ABCB1: variants seen among roughly 807,000 people sequenced by gnomAD.
The protein encoded by ABCB1 is ATP-dependent translocase ABCB1.
ABCB1 carries 69 observed loss-of-function variants against 142.0 expected under a neutral mutation model. That is an observed-to-expected ratio of 0.49 (90% confidence interval 0.40 to 0.59). The LOEUF (loss-of-function observed/expected upper bound fraction) is 0.59, where lower values mean the gene tolerates loss of function less well. ABCB1 is among the 20% of genes least tolerant of loss of function. ABCB1 has a pLI of 0.00. For synonymous variants in ABCB1, 532 were observed against 539.2 expected (o/e 0.99, Z 0.18); for missense variants, 1,326 against 1,554.7 (o/e 0.85, Z 2.47).
At chr7:87,690,659 A>G (rs919526105) in intron 1 of ABCB1, among the ~76,000 whole-genome samples, 2 of 152,134 alleles carry the variant, frequency 1.3e-5, no homozygotes, top group Non-Finnish European at 2.9e-5. Context: ...TTCGCTGAAA[A>G]ATTTTCCTCC....
intron 3 of ABCB1, among the ~76,000 whole-genome samples, chr7:87,586,459 A>C (rs1286343112): frequency 2.6e-5 from 4 of 152,196 alleles, no homozygotes; most frequent in Non-Finnish European, 5.9e-5. Context: ...GATTGAAAGA[A>C]AACCAAAGGG....
At chr7:87,634,086 A>C (rs1035670973) in intron 1 of ABCB1, among the ~76,000 whole-genome samples, 1 of 151,908 alleles carries the variant, frequency 6.6e-6, no homozygotes, top group African/African-American at 2.4e-5. Context: ...TTATCAACCT[A>C]CTCTTCTAGG....
Position 87,504,225 on chromosome 7 carries a change from A to C in ABCB1, c.*18T>G. The C allele has an allele frequency of 6.2e-7, 1 of 1,613,948 alleles. No homozygotes were observed. Among genetic ancestry groups the C allele is most frequent in the East Asian group, 2.2e-5 (1 of 44,888 alleles). The stretch of plus-strand genomic sequence containing the variant: ...AAACAAATATTAAAAAGTATTTAAC[A>C]TCTCATACAGTCAGAGTTCACTGGC... On this transcript the variant is annotated 3_prime_UTR_variant, in exon 28 of 28. Transcript: ENST00000622132.
upstream of ABCB1, among the ~76,000 whole-genome samples, chr7:87,604,657 G>C (rs1819582223): frequency 6.6e-6 from 1 of 152,064 alleles, no homozygotes; most frequent in Non-Finnish European, 1.5e-5. Flanking sequence ...AGGTCAATAG[G>C]ATCATTTTCA....
At chr7:87,676,877 G>A (rs1826419903) in intron 1 of ABCB1, among the ~76,000 whole-genome samples, 1 of 151,922 alleles carries the variant, frequency 6.6e-6, no homozygotes, top group Non-Finnish European at 1.5e-5. Context: ...AAAGACACTC[G>A]ATATCACTAC....
At chr7:87,631,394 T>A (rs1015465356) in intron 1 of ABCB1, among the ~76,000 whole-genome samples, 128 of 152,348 alleles carry the variant, frequency 8.4e-4, no homozygotes, top group African/African-American at 2.9e-3. Context: ...TTTAATTTTT[T>A]ATTTATTTAT....
rs772563512 is a variant in ABCB1 at position 87,544,239 on chromosome 7, T to C, written c.2101A>G (p.Met701Val). 4 of 1,613,506 alleles carry C rather than the reference T, an allele frequency of 2.5e-6. No individual in the cohort carries two copies. The highest frequency in any genetic ancestry group is 1.7e-5 in the Admixed American group (1 of 59,998). The change falls in exon 17 of 28, where the codon ATG becomes GTG. Residue 701 changes from methionine to valine, a missense_variant. Met to Val is a conservative substitution (Grantham distance 21). Transcript: ENST00000622132. Reference sequence around the variant, plus strand: ...GGCCATTCAGTTAAATTTAGCTTCATAATCCTCCAAAAGGAAACTGGAGGT... The same window carrying C: ...GGCCATTCAGTTAAATTTAGCTTCACAATCCTCCAAAAGGAAACTGGAGGT... ...SIPPVSFWRIMKLNLTEWPYF... is the reference protein window; with the variant it reads ...SIPPVSFWRIVKLNLTEWPYF...
intron 3 of ABCB1, among the ~76,000 whole-genome samples, chr7:87,588,984 A>C (rs1043366676): frequency 6.6e-6 from 1 of 152,038 alleles, no homozygotes; most frequent in Non-Finnish European, 1.5e-5. Context: ...CCATCTTTTT[A>C]TTGGGTTGTT....
rs772482084 is a variant in ABCB1 at position 87,550,005 on chromosome 7, C to T, written c.1400G>A (p.Arg467Gln). 1.9e-6 allele frequency: 3 copies of T among 1,614,192 alleles called. No individual in the cohort carries two copies. The highest frequency in any genetic ancestry group is 1.7e-6 in the Non-Finnish European group (2 of 1,180,038). Residue 467 changes from arginine to glutamine, a missense_variant, in exon 13 of 28, where the codon CGG becomes CAG. By Grantham distance (43) the Arg-to-Gln change is conservative (BLOSUM62 1). Coordinates refer to ENST00000622132, the MANE Select transcript of ABCB1 (RefSeq NM_001348946.2). The stretch of plus-strand genomic sequence containing the variant: ...CTGACTCACCACACCAATGATTTCC[C>T]GTAGAAACCTTACATTTATGGTCCT... Reference protein sequence around the residue: ...DIRTINVRFLREIIGVVSQEP... With the variant: ...DIRTINVRFLQEIIGVVSQEP...
chr7:87,683,643 C>T (rs193123398), intron 1 of ABCB1, among the ~76,000 whole-genome samples: 1 of 152,184 alleles, frequency 6.6e-6, no homozygotes, highest in East Asian at 1.9e-4. Context: ...TGGTTCATGG[C>T]GCCCCAAAAT....
chr7:87,575,034 T>G (rs1818216463), intron 4 of ABCB1, among the ~76,000 whole-genome samples: 1 of 152,184 alleles, frequency 6.6e-6, no homozygotes, highest in Admixed American at 6.5e-5. Flanking sequence ...ATTCTCCTAC[T>G]TTGTATACAA....
chr7:87,553,678 T>C (rs1326742760), intron 9 of ABCB1, 83 bp downstream of exon 9: 1 of 1,436,620 alleles, frequency 7.0e-7, no homozygotes, highest in East Asian at 2.3e-5. Flanking sequence ...GTTCAAAATA[T>C]ATTCTTCTAA....
intron 1 of ABCB1, among the ~76,000 whole-genome samples, chr7:87,623,697 T>C (rs1820308153): frequency 7.2e-6 from 1 of 138,684 alleles, no homozygotes; most frequent in Admixed American, 7.1e-5. Flanking sequence ...TCACATGGAC[T>C]TTTTTTTTTT....
At chr7:87,673,634 C>T (rs780401233) in intron 1 of ABCB1, among the ~76,000 whole-genome samples, 5 of 152,190 alleles carry the variant, frequency 3.3e-5, no homozygotes, top group Non-Finnish European at 7.3e-5. Flanking sequence ...TCCTTAGATT[C>T]CTTGGATTGA....
At chr7:87,569,264 C>A (rs548180714) in intron 5 of ABCB1, among the ~76,000 whole-genome samples, 1 of 144,794 alleles carries the variant, frequency 6.9e-6, no homozygotes, top group South Asian at 2.1e-4. Flanking sequence ...AGCCAGGAAT[C>A]GAAGGTCGCA....
At chr7:87,621,053 T>C (rs1820203747) in intron 1 of ABCB1, among the ~76,000 whole-genome samples, 1 of 152,172 alleles carries the variant, frequency 6.6e-6, no homozygotes, top group South Asian at 2.1e-4. Context: ...TCTTAGATCA[T>C]TGCAAATATT....
chr7:87,518,042 T>G (rs1815328765), intron 23 of ABCB1, among the ~76,000 whole-genome samples: 1 of 152,226 alleles, frequency 6.6e-6, no homozygotes, highest in South Asian at 2.1e-4. Context: ...TAGACACATT[T>G]ATTAATATGC....
chr7:87,521,584 A>T, intron 21 of ABCB1: 1 of 758,224 alleles, frequency 1.3e-6, no homozygotes, highest in Non-Finnish European at 2.4e-6. Flanking sequence ...GGGAATGCTC[A>T]TGGATTGCGT....
intron 20 of ABCB1, among the ~76,000 whole-genome samples, chr7:87,533,069 T>C (rs1456884866): frequency 6.6e-6 from 1 of 152,156 alleles, no homozygotes; most frequent in African/African-American, 2.4e-5. Flanking sequence ...CTGTATATTT[T>C]GTTGATGCAA....
Sources: gnomAD v4.1 joint callset for allele counts (sites outside exome capture counted in the v4.1 genomes callset) on GRCh38, gnomAD v4.1.1 for gene constraint, MANE v1.5 for transcripts, NCBI Gene and HGNC (gene_info 2026-07-23, HGNC 2026-07-21) for gene names.